Variants in RASGEF1A observed in about 807,000 individuals in gnomAD.
RASGEF1A encodes the protein RasGEF domain family member 1A.
A neutral mutation model predicts 56.4 loss-of-function variants in RASGEF1A; 18 were observed. That is an observed-to-expected ratio of 0.32 (90% CI 0.22 to 0.47). The LOEUF is 0.47. RASGEF1A is among the 20% of genes least tolerant of loss of function. The pLI is 1.00. For synonymous variants in RASGEF1A, 245 were observed against 242.6 expected, an observed-to-expected ratio of 1.01 and a Z score of -0.09; for missense variants, 422 against 627.1, an observed-to-expected ratio of 0.67 and a Z score of 3.49.
At chr10:43,202,516 C>T in intron 3 of RASGEF1A, 2 of 447,736 alleles carry the variant, frequency 4.5e-6, no homozygotes, top group South Asian at 3.2e-5. Flanking sequence ...GGGGACTGTG[C>T]CCGATGCTCA....
In RASGEF1A at chr10:43,196,162, C is replaced by G; in HGVS notation, c.*82G>C. The G allele has an allele frequency of 3.5e-5, 46 of 1,306,480 alleles. No individual in the cohort carries two copies. Among genetic ancestry groups the G allele is most frequent in the Non-Finnish European group, 4.7e-5 (43 of 921,232 alleles). 80.9% of individuals were successfully genotyped at this position (1,306,480 alleles called of 1,614,324 possible). A position where few individuals can be genotyped will look rare whatever the true frequency, so the allele number is the denominator to read the frequency against. ...CAAAATGGACCCCAACCAGTGAGGC[C>G]TCCTCATCTCAACCCACATCAGTCA... On this transcript the variant is annotated 3_prime_UTR_variant, in exon 13 of 13. Transcript: ENST00000395810. This position sits in a 1 kb window ranked among gnomAD's most constrained non-coding sequence, Gnocchi z 4.6.
At chr10:43,249,373 C>T (rs1418678112) in intron 1 of RASGEF1A, among the ~76,000 whole-genome samples, 1 of 152,238 alleles carries the variant, frequency 6.6e-6, no homozygotes, top group Non-Finnish European at 1.5e-5. Context: ...GGTTGCAGGG[C>T]CCCCACTCCA....
intron 1 of RASGEF1A, among the ~76,000 whole-genome samples, chr10:43,231,107 A>G (rs995801786): frequency 6.6e-5 from 10 of 152,202 alleles, no homozygotes; most frequent in Non-Finnish European, 1.5e-4. Context: ...ACCAGGCAGA[A>G]ATGGCACAGT....
At chr10:43,203,551 G>T in intron 2 of RASGEF1A, 131 bp from the exon 3 acceptor site, 1 of 1,376,508 alleles carries the variant, frequency 7.3e-7, no homozygotes, top group Non-Finnish European at 9.6e-7. Context: ...GCCTTCACCT[G>T]CCCGGTTCCC....
chr10:43,259,834 C>T (rs1836494583), intron 1 of RASGEF1A, among the ~76,000 whole-genome samples: 1 of 151,774 alleles, frequency 6.6e-6, no homozygotes, highest in Non-Finnish European at 1.5e-5. Flanking sequence ...TGGGAGTGTG[C>T]ATTCAGGAGG....
At chr10:43,200,546 G>A (rs909579889) in intron 5 of RASGEF1A, 121 bp downstream of exon 5, 4 of 897,688 alleles carry the variant, frequency 4.5e-6, no homozygotes, top group Non-Finnish European at 6.8e-6. Context: ...GGCAGTCAGG[G>A]CTGGCAAGCG....
At chr10:43,256,710 AC>A (rs1272270346) in intron 1 of RASGEF1A, among the ~76,000 whole-genome samples, 2 of 152,116 alleles carry the variant, frequency 1.3e-5, no homozygotes, top group East Asian at 3.9e-4. Flanking sequence ...GGACCAGCGC[AC>A]ACCACAGCCA....
Sources: allele counts gnomAD v4.1 joint callset (sites outside exome capture counted in the v4.1 genomes callset), GRCh38; gene constraint gnomAD v4.1.1; non-coding constraint Gnocchi (gnomAD v3.1); transcripts MANE v1.5; gene names NCBI Gene and HGNC (gene_info 2026-07-23, HGNC 2026-07-21).